Variants in RPS6KA5 observed in about 807,000 individuals in gnomAD.
RPS6KA5 encodes the protein ribosomal protein S6 kinase A5.
Under a neutral mutation model 85.5 loss-of-function variants are expected in RPS6KA5, and 27 were observed. The ratio of observed to expected loss-of-function variants is 0.32; its 90% CI spans 0.23 to 0.44. The LOEUF (loss-of-function observed/expected upper bound fraction) is 0.44, where lower values mean the gene tolerates loss of function less well. Among genes scored for constraint, RPS6KA5 ranks in the 20% least tolerant of loss-of-function variants. The pLI is 1.00. For synonymous variants in RPS6KA5, 334 were observed against 348.2 expected (o/e 0.96, Z 0.46); for missense variants, 811 against 980.9 (o/e 0.83, Z 2.31).
intron 1 of RPS6KA5, among the ~76,000 whole-genome samples, chr14:91,027,468 G>A (rs1445094137): frequency 6.6e-6 from 1 of 152,060 alleles, no homozygotes; most frequent in East Asian, 1.9e-4. Flanking sequence ...ATTGGTTTAT[G>A]TGTCTGTTTT....
intron 5 of RPS6KA5, among the ~76,000 whole-genome samples, chr14:90,932,161 T>C (rs2037018496): frequency 6.6e-6 from 1 of 152,224 alleles, no homozygotes; most frequent in African/African-American, 2.4e-5. Flanking sequence ...TCTCATTCTG[T>C]CACCCAGGCT....
chr14:90,867,918 A>C lies in RPS6KA5; in HGVS notation c.*4156T>G, dbSNP rs200965237. The C allele has an allele frequency of 3.3e-5, 5 of 152,312 alleles. No homozygotes were observed. The East Asian group carries it at 7.7e-4, about 23-fold the overall frequency. 9.4% of individuals were successfully genotyped at this position (152,312 alleles called of 1,614,324 possible). ...GAATGGTAATCAACTACTTAATTAC[A>C]TAACAGGGAGCTGGGCATACAAAGA... On this transcript the variant is annotated 3_prime_UTR_variant, in exon 17 of 17. Coordinates refer to ENST00000614987, the MANE Select transcript of RPS6KA5 (RefSeq NM_004755.4).
At chr14:91,045,674 C>A (rs562153789) in intron 1 of RPS6KA5, among the ~76,000 whole-genome samples, 1 of 152,250 alleles carries the variant, frequency 6.6e-6, no homozygotes, top group East Asian at 1.9e-4. Flanking sequence ...CAGTAGTTTC[C>A]TACCTGGTTT....
chr14:91,053,475 C>T (rs146110306), intron 1 of RPS6KA5, among the ~76,000 whole-genome samples: 1 of 152,258 alleles, frequency 6.6e-6, no homozygotes, highest in African/African-American at 2.4e-5. Context: ...GTCCACTAAA[C>T]TATTAGAACC....
rs2032574547 is a variant in RPS6KA5, at chr14:90,861,906, A to T, written c.*10168T>A. On this transcript the variant is annotated 3_prime_UTR_variant, in exon 17 of 17. Coordinates refer to ENST00000614987, the MANE Select transcript of RPS6KA5 (RefSeq NM_004755.4). ...AGACTCCATCTCAAAAAAAAAAAAAAAAAAGGGGAAAACAGATTTAAACTG... is the reference window on the plus strand; with the variant it reads ...AGACTCCATCTCAAAAAAAAAAAAATAAAAGGGGAAAACAGATTTAAACTG... The T allele has an allele frequency of 6.6e-6, 1 of 152,020 alleles. No individual in the cohort carries two copies. Among genetic ancestry groups the T allele is most frequent in the Non-Finnish European group, 1.5e-5 (1 of 68,028 alleles). 9.4% of individuals were successfully genotyped at this position (152,020 alleles called of 1,614,324 possible). A position where few individuals can be genotyped will look rare whatever the true frequency, so the allele number is the denominator to read the frequency against.
rs2032124371 is a variant in RPS6KA5 at position 90,853,669 on chromosome 14, C to CCAAA, written c.*18404_*18405insTTTG. On this transcript the variant is annotated 3_prime_UTR_variant, in exon 17 of 17. Transcript: ENST00000614987. ...TGAAACCCCATCTCTACTAAAAATA[C>CCAAA]AAAAAAAAAAAAAAAAACCCTAAAA... The CCAAA allele has an allele frequency of 7.8e-6, 1 of 128,392 alleles. No homozygotes were observed. Among genetic ancestry groups the CCAAA allele is most frequent in the Non-Finnish European group, 1.6e-5 (1 of 61,666 alleles). 8.0% of individuals were successfully genotyped at this position (128,392 alleles called of 1,614,324 possible).
chr14:91,060,283 A>G, intron 1 of RPS6KA5, 49 bp downstream of exon 1: 4 of 1,136,560 alleles, frequency 3.5e-6, no homozygotes, highest in Non-Finnish European at 4.3e-6. Flanking sequence ...GCGTGCCCTC[A>G]GGCGCGCCCC....
Position 90,902,830 on chromosome 14 carries a change from T to C in RPS6KA5, c.1097A>G (p.Gln366Arg), listed in dbSNP as rs146532003. 5.3e-5 allele frequency: 86 copies of C among 1,613,868 alleles called. No individual in the cohort carries two copies. The highest frequency in any genetic ancestry group is 6.5e-5 in the Non-Finnish European group (77 of 1,179,932). Residue 366 changes from glutamine to arginine, a missense_variant, in exon 9 of 17, where the codon CAG becomes CGG. This residue lies in a region of RPS6KA5 where 650 missense variants were observed against 793.4 expected (regional missense o/e 0.82). Transcript: ENST00000614987. ...TACCTGAAACAGCTTCTCAGAACTC[T>C]GGGGCAGGGCTGCGGGAGAATAAGT... Reference protein sequence around the residue: ...DPTYSPAALPQSSEKLFQGYS... With the variant: ...DPTYSPAALPRSSEKLFQGYS...
chr14:90,914,512 G>C (rs897057697), intron 7 of RPS6KA5, among the ~76,000 whole-genome samples: 4 of 151,786 alleles, frequency 2.6e-5, no homozygotes, highest in African/African-American at 9.7e-5. Flanking sequence ...ATGGGGTTTT[G>C]CCATGTTGGC....
At chr14:90,902,753 C>A in intron 9 of RPS6KA5, 55 bp downstream of exon 9, 12 of 1,507,500 alleles carry the variant, frequency 8.0e-6, no homozygotes, top group Non-Finnish European at 1.1e-5. Context: ...GAAATTTAAT[C>A]TTTTCTTTCA....
At chr14:90,927,370 A>G (rs2036729256) in intron 5 of RPS6KA5, among the ~76,000 whole-genome samples, 1 of 152,138 alleles carries the variant, frequency 6.6e-6, no homozygotes, top group African/African-American at 2.4e-5. Flanking sequence ...TATATCAGTA[A>G]TCATAATATA....
rs1190360051 is a variant in RPS6KA5, at chr14:90,849,320, C to T, written c.*22754G>A. On this transcript the variant is annotated 3_prime_UTR_variant, in exon 17 of 17. Transcript: ENST00000614987. The stretch of plus-strand genomic sequence containing the variant: ...TTTTGGCCAGAGATGAACACGCACC[C>T]ATATGTCTGAAGACAAAAGTTTTTT... 1 of 152,174 alleles carries T rather than the reference C, an allele frequency of 6.6e-6. No homozygotes were observed. The highest frequency in any genetic ancestry group is 1.5e-5 in the Non-Finnish European group (1 of 68,026). 9.4% of individuals were successfully genotyped at this position (152,174 alleles called of 1,614,324 possible). A position where few individuals can be genotyped will look rare whatever the true frequency, so the allele number is the denominator to read the frequency against.
At chr14:90,973,807 C>T (rs745995652) in intron 3 of RPS6KA5, among the ~76,000 whole-genome samples, 5 of 152,000 alleles carry the variant, frequency 3.3e-5, no homozygotes, top group Non-Finnish European at 4.4e-5. Flanking sequence ...GAGGCCAAGG[C>T]GTGCGGATCA....
At chr14:90,990,221 A>G (rs1429169839) in intron 2 of RPS6KA5, among the ~76,000 whole-genome samples, 1 of 152,232 alleles carries the variant, frequency 6.6e-6, no homozygotes, top group Non-Finnish European at 1.5e-5. Flanking sequence ...GGCAAAGGAT[A>G]TGAATAGATC....
chr14:90,990,628 G>C (rs1313220455), intron 2 of RPS6KA5, among the ~76,000 whole-genome samples: 1 of 152,128 alleles, frequency 6.6e-6, no homozygotes, highest in Non-Finnish European at 1.5e-5. Context: ...CAAAGACATG[G>C]AATCAACCTA....
intron 7 of RPS6KA5, among the ~76,000 whole-genome samples, chr14:90,912,610 C>A (rs762831386): frequency 2.0e-5 from 3 of 152,182 alleles, no homozygotes; most frequent in African/African-American, 7.2e-5. Context: ...GTGAACGGTG[C>A]TGTTGATGTC....
intron 1 of RPS6KA5, among the ~76,000 whole-genome samples, chr14:91,021,257 C>T (rs1365845644): frequency 6.6e-6 from 1 of 152,146 alleles, no homozygotes; most frequent in Non-Finnish European, 1.5e-5. Context: ...GTCAGCATTG[C>T]ACCACAGAGA....
At chr14:90,998,043 G>C (rs1347666379) in intron 2 of RPS6KA5, among the ~76,000 whole-genome samples, 3 of 146,306 alleles carry the variant, frequency 2.1e-5, no homozygotes, top group Non-Finnish European at 3.0e-5. Flanking sequence ...ATGAAGTAGT[G>C]ATGTGTACTA....
In RPS6KA5 at chr14:90,855,910, A is replaced by T. The variant is rs1245421956; in HGVS notation, c.*16164T>A. On this transcript the variant is annotated 3_prime_UTR_variant, in exon 17 of 17. Transcript: ENST00000614987. ...GCGTGAGTAGAGACAGCGTTTCGCC[A>T]TGTTGGCCAGGCTGCTCTCAAACTC... is the stretch of plus-strand genomic sequence containing the variant. 1 of 152,312 alleles carries T rather than the reference A, an allele frequency of 6.6e-6. No individual in the cohort carries two copies. Among genetic ancestry groups the T allele is most frequent in the Non-Finnish European group, 1.5e-5 (1 of 68,158 alleles). The allele number at this position is 152,312 out of a possible 1,614,324, so 9.4% of individuals were successfully genotyped here. A position where few individuals can be genotyped will look rare whatever the true frequency, so the allele number is the denominator to read the frequency against.
Sources: allele counts gnomAD v4.1 joint callset (sites outside exome capture counted in the v4.1 genomes callset), GRCh38; gene constraint gnomAD v4.1.1; regional missense constraint gnomAD v4.1.1; transcripts MANE v1.5; gene names NCBI Gene and HGNC (gene_info 2026-07-23, HGNC 2026-07-21).